Variants in EVC observed in about 807,000 individuals in gnomAD.
EVC encodes EvC ciliary complex subunit 1.
A neutral mutation model predicts 118.9 loss-of-function variants in EVC; 116 were observed. The ratio of observed to expected loss-of-function variants is 0.98; its 90% CI spans 0.84 to 1.14. The LOEUF is 1.14. Ranked by LOEUF, EVC falls within the 50% of genes most tolerant of loss-of-function variation. The pLI is 0.00. For missense variants in EVC, 1,401 were observed against 1,246.4 expected, an observed-to-expected ratio of 1.12 and a Z score of -1.87; for synonymous variants, 619 against 534.7, an observed-to-expected ratio of 1.16 and a Z score of -2.18.
At chr4:5,809,063 C>T (rs923750000) in intron 18 of EVC, among the ~76,000 whole-genome samples, 1 of 152,190 alleles carries the variant, frequency 6.6e-6, no homozygotes, top group African/African-American at 2.4e-5. Flanking sequence ...GCTACTGTCC[C>T]CATTACAGAT....
chr4:5,777,673 C>T (rs1662423777), intron 11 of EVC, among the ~76,000 whole-genome samples: 1 of 152,154 alleles, frequency 6.6e-6, no homozygotes, highest in Admixed American at 6.5e-5. Flanking sequence ...TCCAAGTTAT[C>T]TGGTTAGCCA....
In EVC at chr4:5,810,449, A is replaced by G; in HGVS notation, c.2893A>G (p.Ser965Gly). Reference protein sequence around the residue: ...ASGDQTSGSLSSKRLSQQESE... With the variant: ...ASGDQTSGSLGSKRLSQQESE... ...CGGGGACCAGACCTCAGGCTCACTCAGGTATGACTGGGCCCCGGACCTGTT... is the reference window on the plus strand; with the variant it reads ...CGGGGACCAGACCTCAGGCTCACTCGGGTATGACTGGGCCCCGGACCTGTT... The change falls in exon 20 of 21, where the codon AGC becomes GGC. Residue 965 changes from serine (S) to glycine (G), a missense_variant and splice_region_variant. Transcript: ENST00000264956. 7.5e-6 allele frequency: 12 copies of G among 1,609,024 alleles called. No homozygotes were observed. Among genetic ancestry groups the G allele is most frequent in the Non-Finnish European group, 1.0e-5 (12 of 1,177,944 alleles).
intron 2 of EVC, among the ~76,000 whole-genome samples, chr4:5,725,330 A>C (rs916404531): frequency 6.6e-6 from 1 of 152,180 alleles, no homozygotes; most frequent in Admixed American, 6.5e-5. Flanking sequence ...ACTAATTTAC[A>C]TTCCCACCAA....
At chr4:5,773,694 A>C (rs1489579860) in intron 11 of EVC, among the ~76,000 whole-genome samples, 1 of 151,840 alleles carries the variant, frequency 6.6e-6, no homozygotes, top group East Asian at 1.9e-4. Flanking sequence ...TTCCTTTTTT[A>C]AGGGAGTTGG....
intron 12 of EVC, among the ~76,000 whole-genome samples, chr4:5,793,044 T>A (rs1713087351): frequency 6.6e-6 from 1 of 152,056 alleles, no homozygotes; most frequent in Non-Finnish European, 1.5e-5. Context: ...GACCAGCTGA[T>A]CCTAAAAGTC....
chr4:5,753,072 G>A lies in EVC; in HGVS notation c.1315+20G>A. 1 of 1,563,072 alleles carries A rather than the reference G, an allele frequency of 6.4e-7. No homozygotes were observed. The highest frequency in any genetic ancestry group is 8.7e-7 in the Non-Finnish European group (1 of 1,154,298). Reference sequence around the variant, plus strand: ...GCCGGGGTGAGCCGTGGGCATGGGTGCCGCCGTCCACAACACTGGCCTTCT... The same window carrying A: ...GCCGGGGTGAGCCGTGGGCATGGGTACCGCCGTCCACAACACTGGCCTTCT... On this transcript the variant is annotated intron_variant, in intron 9 of 20. Coordinates refer to ENST00000264956, the MANE Select transcript of EVC (RefSeq NM_153717.3).
intron 12 of EVC, among the ~76,000 whole-genome samples, chr4:5,788,293 A>G (rs900135740): frequency 9.2e-5 from 14 of 152,040 alleles, no homozygotes; most frequent in African/African-American, 3.1e-4. Context: ...GCCACATCCA[A>G]TCCCTGGGCT....
At chr4:5,822,758 G>C in the EVC span, among the ~76,000 whole-genome samples, 2 of 152,186 alleles carry the variant, frequency 1.3e-5, no homozygotes, top group Non-Finnish European at 2.9e-5. Flanking sequence ...TAAGCTGTAA[G>C]TCTGCCTTTC....
Position 5,743,009 on chromosome 4 carries a change from T to C in EVC, c.801+1195T>C, listed in dbSNP as rs1049933938. Among the ~76,000 whole-genome samples the C allele has an allele frequency of 2.0e-5, 3 of 152,228 alleles. No homozygotes were observed. Among genetic ancestry groups the C allele is most frequent in the African/African-American group, 7.2e-5 (3 of 41,460 alleles). ...AAACCCACTTTCAATTACATGCAAA[T>C]GAAAGGGCAGTTCATTGCAAATTGA... On this transcript the variant is annotated intron_variant, in intron 6 of 20. Coordinates refer to ENST00000264956, the MANE Select transcript of EVC (RefSeq NM_153717.3). This position sits in a 1 kb window ranked among gnomAD's most constrained non-coding sequence, Gnocchi z 4.7.
At position 5,749,661 on chromosome 4, in the gene EVC, C is replaced by T. The variant is rs6813333; in HGVS notation, c.1098+1355C>T. Among the ~76,000 whole-genome samples the T allele has an allele frequency of 4.2e-3, 634 of 152,278 alleles. 8 individuals carry two copies. Among genetic ancestry groups the T allele is most frequent in the African/African-American group, 0.012 (493 of 41,554 alleles). On this transcript the variant is annotated intron_variant, in intron 8 of 20. Coordinates refer to ENST00000264956, the MANE Select transcript of EVC (RefSeq NM_153717.3). The surrounding 1 kb of genome is among the most constrained non-coding windows in gnomAD (Gnocchi z 4.4). Reference sequence around the variant, plus strand: ...GTACACATTGGGCTCATCCTGTGTGCGCCAGTGTGTACTAGGGCCAGGGAA... The same window carrying T: ...GTACACATTGGGCTCATCCTGTGTGTGCCAGTGTGTACTAGGGCCAGGGAA...
rs188087791 is a variant in EVC at position 5,750,924 on chromosome 4, C to T, written c.1099-1912C>T. Among the ~76,000 whole-genome samples, 32 of 152,248 alleles carry T rather than the reference C, an allele frequency of 2.1e-4. 1 individual carries two copies. In the South Asian group the frequency reaches 5.4e-3, roughly 26 times the overall value. On this transcript the variant is annotated intron_variant, in intron 8 of 20. Coordinates refer to ENST00000264956, the MANE Select transcript of EVC (RefSeq NM_153717.3). ...CAGAACACAGAAGAGTTGGAATTCC[C>T]AGGGCGGCATCCCATCTTTCTGGCC...
chr4:5,734,807 C>T (rs947788189), intron 5 of EVC, among the ~76,000 whole-genome samples: 1 of 152,302 alleles, frequency 6.6e-6, no homozygotes, highest in East Asian at 1.9e-4. Flanking sequence ...GGCCCTTCAC[C>T]CCCTCTATCC....
chr4:5,790,180 C>CAAAAAAAAAAAAAAAAAAA lies in EVC; in HGVS notation c.1777-3413_1777-3412insAAAAAAAAAAAAAAAAAAA, dbSNP rs35158259. Among the ~76,000 whole-genome samples the CAAAAAAAAAAAAAAAAAAA allele has an allele frequency of 1.3e-4, 15 of 112,196 alleles. 1 individual carries two copies. The highest frequency in any genetic ancestry group is 1.9e-4 in the Admixed American group (2 of 10,434). The allele number at this position is 112,196 out of a possible 152,430, so 73.6% of individuals were successfully genotyped here. Reference sequence around the variant, plus strand: ...TGGGTGACAGAGTGAGACTCCATCTCAAAAAAAAAAAAAAAGACAACGATG... The same window carrying CAAAAAAAAAAAAAAAAAAA: ...TGGGTGACAGAGTGAGACTCCATCTCAAAAAAAAAAAAAAAAAAAAAAAAAAAAAAAAAAGACAACGATG... On this transcript the variant is annotated intron_variant, in intron 12 of 20. Transcript: ENST00000264956.
chr4:5,735,116 C>A (rs1036985537), intron 5 of EVC, among the ~76,000 whole-genome samples: 2 of 152,238 alleles, frequency 1.3e-5, no homozygotes, highest in African/African-American at 4.8e-5. Context: ...GTGTCAGACC[C>A]CAGGGGCAGC....
rs919693072 is a variant in EVC at position 5,754,702 on chromosome 4, C to A, written c.1464+769C>A. 6.6e-6 allele frequency among the ~76,000 whole-genome samples: 1 copy of A among 152,140 alleles called. No homozygotes were observed. Among genetic ancestry groups the A allele is most frequent in the Non-Finnish European group, 1.5e-5 (1 of 68,022 alleles). On this transcript the variant is annotated intron_variant, in intron 10 of 20. Transcript: ENST00000264956. The surrounding 1 kb of genome is among the most constrained non-coding windows in gnomAD (Gnocchi z 5.8). ...ACTTGGGTTTGGGTGCTGACTCTGC[C>A]ACTAAATAGCTGGGTGACCTTGGGC...
intron 16 of EVC, among the ~76,000 whole-genome samples, chr4:5,803,174 A>G (rs1193651643): frequency 6.6e-6 from 1 of 152,210 alleles, no homozygotes; most frequent in African/African-American, 2.4e-5. Flanking sequence ...CACTTCTTAC[A>G]ACACCCTCCC....
chr4:5,829,039 C>CTAGGA, the EVC span, among the ~76,000 whole-genome samples: 12,456 of 151,952 alleles, frequency 0.082, 729 homozygotes, highest in African/African-American at 0.16. Context: ...ATTTTTTTCT[C>CTAGGA]TAGGTTTCTA....
At chr4:5,816,203 C>G (rs867221094), downstream of EVC, among the ~76,000 whole-genome samples, 10 of 152,286 alleles carry the variant, frequency 6.6e-5, no homozygotes, top group South Asian at 8.3e-4. Context: ...TCCTGCCCAC[C>G]GACATAGCCT....
chr4:5,809,590 C>T lies in EVC; in HGVS notation c.2761C>T (p.Pro921Ser), dbSNP rs771505230. 2 of 1,614,042 alleles carry T rather than the reference C, an allele frequency of 1.2e-6. No individual in the cohort carries two copies. The highest frequency in any genetic ancestry group is 1.7e-5 in the Admixed American group (1 of 60,000). Residue 921 changes from proline (P) to serine (S), a missense_variant, in exon 19 of 21, where the codon CCT becomes TCT. Physicochemically the swap from Pro to Ser is moderately conservative, Grantham distance 74 (BLOSUM62 -1). Transcript: ENST00000264956. ...RVPLAESKLLPAKRGLLEKPL... is the reference protein window; with the variant it reads ...RVPLAESKLLSAKRGLLEKPL... The stretch of plus-strand genomic sequence containing the variant: ...GCCCCTTGCTGAAAGCAAACTGTTG[C>T]CTGCTAAGCGTGGGCTGCTAGGTGA...
Sources: gnomAD v4.1 joint callset for allele counts (sites outside exome capture counted in the v4.1 genomes callset) on GRCh38, gnomAD v4.1.1 for gene constraint, Gnocchi (gnomAD v3.1) non-coding constraint, MANE v1.5 for transcripts, NCBI Gene and HGNC (gene_info 2026-07-23, HGNC 2026-07-21) for gene names.